ARHGEF1: variants seen among roughly 807,000 people sequenced by gnomAD.
The protein encoded by ARHGEF1 is 115 kDa guanine nucleotide exchange factor.
Under a neutral mutation model 119.7 loss-of-function variants are expected in ARHGEF1, and 40 were observed. The observed-to-expected ratio is 0.33, with a 90% CI of 0.26 to 0.44. ARHGEF1 has a LOEUF of 0.44. Among genes scored for constraint, ARHGEF1 ranks in the 20% least tolerant of loss-of-function variants. The probability of loss-of-function intolerance (pLI) is 1.00; values close to 1 mark genes in which losing one functional copy is unlikely to be tolerated. For synonymous variants in ARHGEF1, 494 were observed against 521.0 expected (o/e 0.95, Z 0.71); for missense variants, 976 against 1,268.3 (o/e 0.77, Z 3.50).
At chr19:41,897,672 G>A in intron 13 of ARHGEF1, 1 of 360,902 alleles carries the variant, frequency 2.8e-6, no homozygotes, top group Non-Finnish European at 4.8e-6. Context: ...CCTCTCTTCT[G>A]TTGCATGTTT....
At chr19:41,927,488 C>T (rs1349823365) in intron 1 of ARHGEF1, among the ~76,000 whole-genome samples, 1 of 152,106 alleles carries the variant, frequency 6.6e-6, no homozygotes, top group Non-Finnish European at 1.5e-5. Flanking sequence ...CTATGCTGAT[C>T]CCCAGTCCCA....
At chr19:41,914,328 C>T (rs1007350883) in intron 18 of ARHGEF1, among the ~76,000 whole-genome samples, 17 of 151,328 alleles carry the variant, frequency 1.1e-4, no homozygotes, top group African/African-American at 4.1e-4. Context: ...TCTCCCCCCA[C>T]CATCTCCCTT....
At chr19:41,901,761 T>A in intron 14 of ARHGEF1, 126 bp from the exon 15 acceptor site, 1 of 1,226,846 alleles carries the variant, frequency 8.2e-7, no homozygotes, top group Non-Finnish European at 1.1e-6. Flanking sequence ...CCAGAGAGAG[T>A]TTTTTCCCAC....
intron 7 of ARHGEF1, 178 bp from the exon 8 acceptor site, chr19:41,893,096 C>T: frequency 9.8e-7 from 1 of 1,016,720 alleles, no homozygotes; most frequent in Admixed American, 2.9e-5. Context: ...ATCCCATCCT[C>T]CTGGATGAGA....
At chr19:41,925,832 G>C (rs1232479227) in intron 1 of ARHGEF1, among the ~76,000 whole-genome samples, 2 of 152,158 alleles carry the variant, frequency 1.3e-5, no homozygotes, top group African/African-American at 2.4e-5. Context: ...GGAAGGGCAG[G>C]TGTTGGGGTG....
chr19:41,927,115 CAG>C (rs1281667043), intron 1 of ARHGEF1, among the ~76,000 whole-genome samples: 9 of 151,834 alleles, frequency 5.9e-5, no homozygotes, highest in Admixed American at 3.9e-4. Flanking sequence ...GATAGAGAGA[CAG>C]ATCCTGGGAG....
chr19:41,916,278 CAACA>C lies in ARHGEF1; in HGVS notation c.1866-6811_1866-6808del, dbSNP rs2074800916. On this transcript the variant is annotated intron_variant, in intron 18 of 20. Transcript: ENST00000599589. This position sits in a 1 kb window ranked among gnomAD's most constrained non-coding sequence, Gnocchi z 5.4. ...CCACACACTGCATGAGCCCACATGT[CAACA>C]AAGTCACACACAGCACCACGTCCCA... 7.8e-6 allele frequency among the ~76,000 whole-genome samples: 1 copy of C among 128,674 alleles called. No homozygotes were observed. The highest frequency in any genetic ancestry group is 5.0e-5 in the African/African-American group (1 of 20,100). The allele number at this position is 128,674 out of a possible 152,430, so 84.4% of individuals were successfully genotyped here.
At position 41,889,962 on chromosome 19, in the gene ARHGEF1, A is replaced by T; in HGVS notation, c.225+1097A>T. On this transcript the variant is annotated intron_variant, in intron 4 of 28. Coordinates refer to ENST00000354532, the MANE Select transcript of ARHGEF1 (RefSeq NM_004706.4). This position sits in a 1 kb window ranked among gnomAD's most constrained non-coding sequence, Gnocchi z 4.0. ...CGTGCTGACTACCATGTTCTTTTAC[A>T]GATGTGGAAACCGAGGCCTAGAGAG... 1 of 152,196 alleles carries T rather than the reference A, an allele frequency of 6.6e-6. No homozygotes were observed. The allele number at this position is 152,196 out of a possible 1,614,324, so 9.4% of individuals were successfully genotyped here. A position where few individuals can be genotyped will look rare whatever the true frequency, so the allele number is the denominator to read the frequency against.
chr19:41,909,927 G>A, downstream of ARHGEF1: 7 of 1,613,776 alleles, frequency 4.3e-6, no homozygotes, highest in East Asian at 2.2e-5. The surrounding 1 kb of genome is among the most constrained non-coding windows in gnomAD (Gnocchi z 5.2). Context: ...CCCCACAGCC[G>A]GGCCACCTCA....
chr19:41,895,539 G>C, intron 12 of ARHGEF1, 53 bp downstream of exon 12: 1 of 1,532,224 alleles, frequency 6.5e-7, no homozygotes, highest in Non-Finnish European at 8.8e-7. Context: ...CAGGGTGGGG[G>C]TGCTGCCTGC....
chr19:41,902,122 C>T lies in ARHGEF1; in HGVS notation c.1414+89C>T. ...CTGGGTTCAACCTGCTCGGGAACCC[C>T]AGGGTTCACATGGGGTGGGGGCAGA... On this transcript the variant is annotated intron_variant, in intron 15 of 28. Transcript: ENST00000354532. This position sits in a 1 kb window ranked among gnomAD's most constrained non-coding sequence, Gnocchi z 6.5. 6.3e-7 allele frequency: 1 copy of T among 1,575,606 alleles called. No homozygotes were observed. Among genetic ancestry groups the T allele is most frequent in the Non-Finnish European group, 8.6e-7 (1 of 1,156,564 alleles).
chr19:41,905,246 G>A lies in ARHGEF1; in HGVS notation c.2321G>A (p.Arg774Gln), dbSNP rs782337423. The A allele has an allele frequency of 2.9e-5, 47 of 1,613,438 alleles. No homozygotes were observed. Among genetic ancestry groups the A allele is most frequent in the African/African-American group, 8.0e-5 (6 of 74,904 alleles). Reference sequence around the variant, plus strand: ...GCCCCTGCCTCTCGCCCTAAGCCCCGGCCCAGCCCGAGCAGGTGAGGGGGG... The same window carrying A: ...GCCCCTGCCTCTCGCCCTAAGCCCCAGCCCAGCCCGAGCAGGTGAGGGGGG... Reference protein sequence around the residue: ...VPAPASRPKPRPSPSSTREPL... With the variant: ...VPAPASRPKPQPSPSSTREPL... The change falls in exon 24 of 29, where the codon CGG becomes CAG. Residue 774 changes from arginine (R) to glutamine (Q), a missense_variant. Arg to Gln is a conservative substitution (Grantham distance 43). This residue lies in a region of ARHGEF1 where 286 missense variants were observed against 506.8 expected (regional missense o/e 0.56). Coordinates refer to ENST00000354532, the MANE Select transcript of ARHGEF1 (RefSeq NM_004706.4). This position sits in a 1 kb window ranked among gnomAD's most constrained non-coding sequence, Gnocchi z 6.4.
At chr19:41,908,878 C>G (rs1555850981), downstream of ARHGEF1, among the ~76,000 whole-genome samples, 1 of 151,872 alleles carries the variant, frequency 6.6e-6, no homozygotes, top group Non-Finnish European at 1.5e-5. The surrounding 1 kb of genome is among the most constrained non-coding windows in gnomAD (Gnocchi z 6.7). Flanking sequence ...CTGAAAGCCC[C>G]TGTCTCCCTC....
chr19:41,896,561 C>T (rs1416694461), intron 13 of ARHGEF1, 79 bp downstream of exon 13: 2 of 1,098,550 alleles, frequency 1.8e-6, no homozygotes, highest in East Asian at 5.1e-5. Flanking sequence ...CCGCTGCCAT[C>T]TGTGCCTGCC....
Position 41,906,765 on chromosome 19 carries a change from C to A in ARHGEF1, c.2718C>A (p.Val906=). The A allele has an allele frequency of 6.2e-7, 1 of 1,611,318 alleles. No individual in the cohort carries two copies. The highest frequency in any genetic ancestry group is 8.5e-7 in the Non-Finnish European group (1 of 1,178,852). Residue 906 remains valine (V), a synonymous_variant, in exon 28 of 29, where the codon GTC becomes GTA. Coordinates refer to ENST00000354532, the MANE Select transcript of ARHGEF1 (RefSeq NM_004706.4). The surrounding 1 kb of genome is among the most constrained non-coding windows in gnomAD (Gnocchi z 4.5). The part of the protein sequence containing the change: ...PLLSQLGGNS[V]PQPGCT ...TGTCTCAGCTTGGGGGGAACTCTGT[C>A]CCCCAGCCTGGCTGCACTTGAGGTT...
upstream of ARHGEF1, among the ~76,000 whole-genome samples, chr19:41,918,253 A>C (rs2074814189): frequency 6.6e-6 from 1 of 151,444 alleles, no homozygotes; most frequent in Admixed American, 6.6e-5. Flanking sequence ...AACACACCAT[A>C]CATACACACC....
chr19:41,884,254 C>T (rs2074259543), intron 1 of ARHGEF1: 5 of 653,392 alleles, frequency 7.7e-6, no homozygotes. Flanking sequence ...CAGAGCGGCC[C>T]TATCTGGCCT....
At chr19:41,907,563 C>T, downstream of ARHGEF1, 1 of 615,052 alleles carries the variant, frequency 1.6e-6, no homozygotes, top group Non-Finnish European at 2.7e-6. Context: ...TCCAGTTGTT[C>T]ATTCATTCAT....
Position 41,889,353 on chromosome 19 carries a change from C to T in ARHGEF1, c.225+488C>T, listed in dbSNP as rs1319408463. ...AGCACAGCAGGCCCTGATCTGGAAA[C>T]AAGAAAACCACCACACACAGCTCAC... On this transcript the variant is annotated intron_variant, in intron 4 of 28. Transcript: ENST00000354532. This position sits in a 1 kb window ranked among gnomAD's most constrained non-coding sequence, Gnocchi z 4.0. The T allele has an allele frequency of 6.5e-6, 1 of 155,018 alleles. No homozygotes were observed. Among genetic ancestry groups the T allele is most frequent in the Non-Finnish European group, 1.4e-5 (1 of 69,580 alleles). The allele number at this position is 155,018 out of a possible 1,614,324, so 9.6% of individuals were successfully genotyped here.
Sources: gnomAD v4.1 joint callset for allele counts (sites outside exome capture counted in the v4.1 genomes callset) on GRCh38, gnomAD v4.1.1 for gene constraint, gnomAD v4.1.1 regional missense constraint, Gnocchi (gnomAD v3.1) non-coding constraint, MANE v1.5 for transcripts, NCBI Gene and HGNC (gene_info 2026-07-23, HGNC 2026-07-21) for gene names.